Variants in PAFAH1B1 observed in about 807,000 individuals in gnomAD.
PAFAH1B1 encodes platelet activating factor acetylhydrolase 1b regulatory subunit 1.
PAFAH1B1 carries 2 observed loss-of-function variants against 57.5 expected under a neutral mutation model. The ratio of observed to expected loss-of-function variants is 0.03; its 90% CI spans 0.01 to 0.11. The LOEUF (loss-of-function observed/expected upper bound fraction) is 0.11, where lower values mean the gene tolerates loss of function less well. Ranked by LOEUF, PAFAH1B1 falls within the 10% of genes least tolerant of loss-of-function variation. PAFAH1B1 has a pLI of 1.00. For missense variants in PAFAH1B1, 257 were observed against 512.0 expected (o/e 0.50, Z 4.81); for synonymous variants, 152 against 169.6 (o/e 0.90, Z 0.81).
At chr17:2,666,120 T>C in intron 4 of PAFAH1B1, 30 bp downstream of exon 4, 5 of 1,399,878 alleles carry the variant, frequency 3.6e-6, no homozygotes, top group Non-Finnish European at 4.9e-6. Flanking sequence ...TTAAAATTAG[T>C]TGTATTCAGT....
chr17:2,603,836 G>A (rs115820645), intron 1 of PAFAH1B1, among the ~76,000 whole-genome samples: 3,488 of 151,622 alleles, frequency 0.023, 112 homozygotes, highest in African/African-American at 0.075. Context: ...CACCTCCCAG[G>A]TTCGAGTGCT....
chr17:2,650,639 CAAAAAAAAAA>C (rs10582467), intron 2 of PAFAH1B1, among the ~76,000 whole-genome samples: 4 of 108,824 alleles, frequency 3.7e-5, no homozygotes, highest in Non-Finnish European at 3.8e-5. Context: ...GACTCTGTCT[CAAAAAAAAAA>C]AAAAAAAAAA....
intron 1 of PAFAH1B1, among the ~76,000 whole-genome samples, chr17:2,600,047 T>G (rs2068123378): frequency 7.1e-6 from 1 of 140,182 alleles, no homozygotes; most frequent in Non-Finnish European, 1.5e-5. Flanking sequence ...TGTCTCGATC[T>G]CAGCTCACTG....
chr17:2,635,030 G>C (rs1005687307), intron 1 of PAFAH1B1, among the ~76,000 whole-genome samples: 2 of 152,052 alleles, frequency 1.3e-5, no homozygotes, highest in African/African-American at 4.8e-5. Flanking sequence ...AGGCATGGTC[G>C]TGGGTGCCTG....
At chr17:2,619,521 G>A (rs929862831) in intron 1 of PAFAH1B1, among the ~76,000 whole-genome samples, 2 of 131,790 alleles carry the variant, frequency 1.5e-5, no homozygotes, top group African/African-American at 6.2e-5. Context: ...GAGCCACTGT[G>A]CCTGGCCCTT....
In PAFAH1B1 at chr17:2,665,385, G is replaced by A. The variant is rs1185006115; in HGVS notation, c.46G>A (p.Ala16Thr). 1 of 1,601,222 alleles carries A rather than the reference G, an allele frequency of 6.2e-7. No homozygotes were observed. Among genetic ancestry groups the A allele is most frequent in the Non-Finnish European group, 8.5e-7 (1 of 1,170,344 alleles). The change falls in exon 3 of 11, where the codon GCA becomes ACA. Residue 16 changes from alanine to threonine, a missense_variant. Ala to Thr is a moderately conservative substitution (Grantham distance 58). Coordinates refer to ENST00000397195, the MANE Select transcript of PAFAH1B1 (RefSeq NM_000430.4). ...RQRDELNRAI[A>T]DYLRSNGYEE... The stretch of plus-strand genomic sequence containing the variant: ...TTTTTCTTTCAGAAATCGAGCTATA[G>A]CAGATTATCTTCGTTCAAATGGCTA...
chr17:2,678,517 G>A (rs1338903446), intron 9 of PAFAH1B1, among the ~76,000 whole-genome samples: 1 of 151,822 alleles, frequency 6.6e-6, no homozygotes, highest in Non-Finnish European at 1.5e-5. Flanking sequence ...AGTGAGCCGA[G>A]ATCGCACCAT....
At chr17:2,644,811 A>G (rs758209831) in intron 2 of PAFAH1B1, among the ~76,000 whole-genome samples, 41 of 152,164 alleles carry the variant, frequency 2.7e-4, no homozygotes, top group Non-Finnish European at 1.5e-4. Flanking sequence ...CAGTCACACT[A>G]CCTTCATAAT....
chr17:2,642,851 C>A (rs939896692), intron 2 of PAFAH1B1, among the ~76,000 whole-genome samples: 8 of 152,050 alleles, frequency 5.3e-5, no homozygotes, highest in Non-Finnish European at 2.9e-5. Flanking sequence ...TTTTCATCCT[C>A]CCCCTCACTC....
At chr17:2,614,318 A>C (rs1043987344) in intron 1 of PAFAH1B1, among the ~76,000 whole-genome samples, 4 of 152,072 alleles carry the variant, frequency 2.6e-5, no homozygotes, top group African/African-American at 9.7e-5. Context: ...CGTGGCACTT[A>C]CCTAGCCAGT....
At position 2,651,795 on chromosome 17, in the gene PAFAH1B1, A is replaced by G. The variant is rs574377017; in HGVS notation, c.32+13475A>G. Reference sequence around the variant, plus strand: ...TTCCCCAGTTTCCCCTACTGTTAACATCTCACATTTATGTGGTGTATTTAT... The same window carrying G: ...TTCCCCAGTTTCCCCTACTGTTAACGTCTCACATTTATGTGGTGTATTTAT... On this transcript the variant is annotated intron_variant, in intron 2 of 10. Transcript: ENST00000397195. Among the ~76,000 whole-genome samples the G allele has an allele frequency of 6.1e-4, 93 of 152,210 alleles. 1 individual carries two copies. The highest frequency in any genetic ancestry group is 1.9e-3 in the South Asian group (9 of 4,822).
chr17:2,611,480 A>T (rs935447066), intron 1 of PAFAH1B1, among the ~76,000 whole-genome samples: 21 of 144,556 alleles, frequency 1.5e-4, no homozygotes, highest in East Asian at 5.8e-4. Context: ...GGCAAAAAAA[A>T]AAAATAAAAA....
chr17:2,681,660 G>C (rs1274334928), intron 10 of PAFAH1B1, 69 bp from the exon 11 acceptor site: 1 of 1,173,350 alleles, frequency 8.5e-7, no homozygotes, highest in Non-Finnish European at 1.3e-6. Context: ...TTGTAGAGAG[G>C]GGGTCTCACT....
intron 1 of PAFAH1B1, among the ~76,000 whole-genome samples, chr17:2,637,593 G>A (rs1462841671): frequency 6.6e-6 from 1 of 152,088 alleles, no homozygotes; most frequent in South Asian, 2.1e-4. Flanking sequence ...ACAATAAAAA[G>A]CGTAAGATTG....
chr17:2,674,436 G>A lies in PAFAH1B1; in HGVS notation c.900+148G>A, dbSNP rs1437513169. On this transcript the variant is annotated intron_variant, in intron 8 of 10. Coordinates refer to ENST00000397195, the MANE Select transcript of PAFAH1B1 (RefSeq NM_000430.4). ...ATCTTGAAATTCTCTACTCTTCACAGCTTGCTGATGTGTTTACATTATTTA... is the reference window on the plus strand; with the variant it reads ...ATCTTGAAATTCTCTACTCTTCACAACTTGCTGATGTGTTTACATTATTTA... 8.7e-6 allele frequency: 6 copies of A among 687,396 alleles called. No homozygotes were observed. In the African/African-American group the frequency reaches 8.8e-5, roughly 10 times the overall value. The allele number at this position is 687,396 out of a possible 1,614,324, so 42.6% of individuals were successfully genotyped here.
rs141747136 is a variant in PAFAH1B1, at chr17:2,647,726, C to T, written c.32+9406C>T. ...TAATTTATAAAGGAGAGAGGGCAGCCGGGCGAGGTGGCTCACGCCTGTAAT... is the reference window on the plus strand; with the variant it reads ...TAATTTATAAAGGAGAGAGGGCAGCTGGGCGAGGTGGCTCACGCCTGTAAT... On this transcript the variant is annotated intron_variant, in intron 2 of 10. Coordinates refer to ENST00000397195, the MANE Select transcript of PAFAH1B1 (RefSeq NM_000430.4). Among the ~76,000 whole-genome samples, 470 of 152,132 alleles carry T rather than the reference C, an allele frequency of 3.1e-3. 2 individuals are homozygous for T. Among genetic ancestry groups the T allele is most frequent in the Non-Finnish European group, 5.5e-3 (371 of 67,988 alleles).
chr17:2,614,361 G>A (rs567548856), intron 1 of PAFAH1B1, among the ~76,000 whole-genome samples: 1 of 152,200 alleles, frequency 6.6e-6, no homozygotes, highest in Admixed American at 6.5e-5. Context: ...TACTGCAGTG[G>A]CAGAAGAGTT....
chr17:2,661,378 A>G (rs2069011057), intron 2 of PAFAH1B1, among the ~76,000 whole-genome samples: 1 of 152,160 alleles, frequency 6.6e-6, no homozygotes, highest in Admixed American at 6.6e-5. Flanking sequence ...TTTTCTGCAT[A>G]TGGCTAACCA....
intron 1 of PAFAH1B1, among the ~76,000 whole-genome samples, chr17:2,596,465 T>G (rs1333199521): frequency 6.6e-6 from 1 of 152,224 alleles, no homozygotes; most frequent in Non-Finnish European, 1.5e-5. Flanking sequence ...TGTTGCTCTT[T>G]GAAAGGGACC....
Sources: gnomAD v4.1 joint callset for allele counts (sites outside exome capture counted in the v4.1 genomes callset) on GRCh38, gnomAD v4.1.1 for gene constraint, MANE v1.5 for transcripts, NCBI Gene and HGNC (gene_info 2026-07-23, HGNC 2026-07-21) for gene names.